The following CLVS1 variants were observed in gnomAD, a reference collection of about 807,000 sequenced individuals.
CLVS1 encodes the protein clavesin 1.
A neutral mutation model predicts 33.1 loss-of-function variants in CLVS1; 10 were observed. That is an observed-to-expected ratio of 0.30 (90% confidence interval 0.19 to 0.51). The LOEUF (loss-of-function observed/expected upper bound fraction) is 0.51, where lower values mean the gene tolerates loss of function less well. Among genes scored for constraint, CLVS1 ranks in the 20% least tolerant of loss-of-function variants. CLVS1 has a pLI of 0.97. For missense variants in CLVS1, 343 were observed against 433.4 expected, an observed-to-expected ratio of 0.79 and a Z score of 1.85; for synonymous variants, 163 against 166.1, an observed-to-expected ratio of 0.98 and a Z score of 0.14.
chr8:61,470,742 A>G (rs2129607713), intron 5 of CLVS1, among the ~76,000 whole-genome samples: 1 of 152,346 alleles, frequency 6.6e-6, no homozygotes, highest in East Asian at 1.9e-4. Flanking sequence ...ATATTTTCTT[A>G]AAAACACTGT....
rs529040540 is a variant in CLVS1 at position 61,189,792 on chromosome 8, G to T, written c.-152+57932G>T. 7.8e-4 allele frequency among the ~76,000 whole-genome samples: 119 copies of T among 152,280 alleles called. 2 individuals are homozygous for T. The South Asian group carries it at 0.024, about 30-fold the overall frequency. On this transcript the variant is annotated intron_variant, in intron 2 of 2. Coordinates refer to the CLVS1 transcript ENST00000522621. Reference sequence around the variant, plus strand: ...AGACAAAGAAGTCCATTACATAATGGTAAAGGGATCAATTCAACAAGAAGA... The same window carrying T: ...AGACAAAGAAGTCCATTACATAATGTTAAAGGGATCAATTCAACAAGAAGA...
intron 3 of CLVS1, among the ~76,000 whole-genome samples, chr8:61,404,382 G>A (rs971713736): frequency 1.3e-5 from 2 of 152,102 alleles, no homozygotes; most frequent in African/African-American, 4.8e-5. Context: ...CTGAATAAAT[G>A]TTTATTCAAA....
chr8:61,402,940 C>A (rs945832652), intron 3 of CLVS1, among the ~76,000 whole-genome samples: 1 of 152,054 alleles, frequency 6.6e-6, no homozygotes, highest in African/African-American at 2.4e-5. Flanking sequence ...AGTGTGTGTG[C>A]GTGCTTGCAT....
intron 2 of CLVS1, among the ~76,000 whole-genome samples, chr8:61,307,863 C>T (rs896580021): frequency 2.6e-5 from 4 of 152,128 alleles, no homozygotes; most frequent in Admixed American, 6.6e-5. Context: ...TATGGAGTCT[C>T]CAATGTCTAT....
intron 3 of CLVS1, among the ~76,000 whole-genome samples, chr8:61,411,653 C>T (rs1815229994): frequency 6.6e-6 from 1 of 152,194 alleles, no homozygotes; most frequent in African/African-American, 2.4e-5. Flanking sequence ...ATAGTCCTGT[C>T]ACATTTGTGG....
intron 1 of CLVS1, among the ~76,000 whole-genome samples, chr8:61,091,759 C>A (rs1805254076): frequency 6.6e-6 from 1 of 152,170 alleles, no homozygotes; most frequent in South Asian, 2.1e-4. Flanking sequence ...AGACTTAAGG[C>A]CTTTTTAGGA....
At chr8:61,279,616 T>C (rs1809629566) in intron 2 of CLVS1, among the ~76,000 whole-genome samples, 1 of 112,244 alleles carries the variant, frequency 8.9e-6, no homozygotes, top group Admixed American at 9.3e-5. Flanking sequence ...TGATGCCCTA[T>C]TAAGATATCC....
intron 5 of CLVS1, among the ~76,000 whole-genome samples, chr8:61,483,953 T>TAA (rs1303732108): frequency 6.6e-4 from 99 of 149,922 alleles, no homozygotes; most frequent in Non-Finnish European, 1.1e-3. Flanking sequence ...TCTCAAAATA[T>TAA]GAGCTATTTA....
chr8:60,977,324 A>T, the CLVS1 span, among the ~76,000 whole-genome samples: 1 of 152,236 alleles, frequency 6.6e-6, no homozygotes, highest in Non-Finnish European at 1.5e-5. Flanking sequence ...ACAGGAAAAA[A>T]ATAATTTGAC....
intron 2 of CLVS1, among the ~76,000 whole-genome samples, chr8:61,207,194 T>A (rs1321187888): frequency 6.6e-6 from 1 of 152,222 alleles, no homozygotes. Flanking sequence ...AGGGAGGGAA[T>A]CTGAAGACTC....
chr8:61,226,936 G>C (rs903984745), intron 2 of CLVS1, among the ~76,000 whole-genome samples: 2 of 151,658 alleles, frequency 1.3e-5, no homozygotes, highest in African/African-American at 4.8e-5. Flanking sequence ...ATGATCCAGG[G>C]TTTCAGAATT....
At chr8:60,978,116 C>A in the CLVS1 span, among the ~76,000 whole-genome samples, 1 of 152,278 alleles carries the variant, frequency 6.6e-6, no homozygotes, top group Admixed American at 6.5e-5. Context: ...TGAGGGAGCT[C>A]ATTACCAGTA....
chr8:61,439,987 C>T (rs1816480777), intron 3 of CLVS1, among the ~76,000 whole-genome samples: 1 of 152,202 alleles, frequency 6.6e-6, no homozygotes, highest in African/African-American at 2.4e-5. Context: ...ATTCAGCCTT[C>T]CCTTTGTCTT....
At chr8:61,009,156 T>C in the CLVS1 span, among the ~76,000 whole-genome samples, 703 of 152,232 alleles carry the variant, frequency 4.6e-3, 7 homozygotes, top group African/African-American at 0.016. Flanking sequence ...TTCAGTAAAA[T>C]TGACACTCTT....
At chr8:61,475,458 T>C (rs1160596556) in intron 5 of CLVS1, among the ~76,000 whole-genome samples, 1 of 152,342 alleles carries the variant, frequency 6.6e-6, no homozygotes, top group East Asian at 1.9e-4. Flanking sequence ...CCAGCACCTG[T>C]TGTTTCCTGA....
chr8:61,219,358 C>A (rs1181902048), intron 2 of CLVS1, among the ~76,000 whole-genome samples: 1 of 152,086 alleles, frequency 6.6e-6, no homozygotes, highest in African/African-American at 2.4e-5. Flanking sequence ...TCCGTGAGTT[C>A]TCATTGTTCA....
rs1804625858 is a variant in CLVS1, at chr8:61,500,483, A to T, written c.*941A>T. ...GTTGTTGCTGAGAGGGTAAATATTC[A>T]ATCATGGAGCATGACCCATATGGAT... On this transcript the variant is annotated 3_prime_UTR_variant, in exon 6 of 6. Transcript: ENST00000325897. 1 of 152,240 alleles carries T rather than the reference A, an allele frequency of 6.6e-6. No individual in the cohort carries two copies. Among genetic ancestry groups the T allele is most frequent in the South Asian group, 2.1e-4 (1 of 4,830 alleles). The allele number at this position is 152,240 out of a possible 1,614,324, so 9.4% of individuals were successfully genotyped here.
intron 2 of CLVS1, among the ~76,000 whole-genome samples, chr8:61,304,647 C>T (rs1810554675): frequency 6.6e-6 from 1 of 152,114 alleles, no homozygotes; most frequent in African/African-American, 2.4e-5. Context: ...CACCATTTGC[C>T]CCTTTAAGAT....
chr8:61,400,900 T>C (rs1319969312), intron 3 of CLVS1, among the ~76,000 whole-genome samples: 3 of 152,188 alleles, frequency 2.0e-5, no homozygotes, highest in Admixed American at 1.3e-4. Flanking sequence ...TTGTGGTAGA[T>C]AAGCTTTTTG....
Sources: allele counts gnomAD v4.1 joint callset (sites outside exome capture counted in the v4.1 genomes callset), GRCh38; gene constraint gnomAD v4.1.1; transcripts MANE v1.5; gene names NCBI Gene and HGNC (gene_info 2026-07-23, HGNC 2026-07-21).